The following WASF3 variants were observed in gnomAD, a reference collection of about 807,000 sequenced individuals.
WASF3 encodes WASP family member 3, also known as actin-binding protein WASF3.
WASF3 carries 11 observed loss-of-function variants against 46.6 expected under a neutral mutation model. That is an observed-to-expected ratio of 0.24 (90% CI 0.15 to 0.39). WASF3 has a LOEUF of 0.39. Ranked by LOEUF, WASF3 falls within the 10% of genes least tolerant of loss-of-function variation. The pLI is 1.00. For missense variants in WASF3, 576 were observed against 669.8 expected (o/e 0.86, Z 1.55); for synonymous variants, 242 against 259.7 (o/e 0.93, Z 0.65).
At chr13:26,556,332 A>G (rs1266960921), upstream of WASF3, among the ~76,000 whole-genome samples, 2 of 152,208 alleles carry the variant, frequency 1.3e-5, no homozygotes, top group Non-Finnish European at 2.9e-5. Context: ...AAACATAGAC[A>G]TGGAAGCCAT....
intron 1 of WASF3, among the ~76,000 whole-genome samples, chr13:26,610,047 G>A (rs60934898): frequency 0.27 from 40,869 of 152,040 alleles, 5,954 homozygotes; most frequent in Non-Finnish European, 0.34. Context: ...TGCCCTCTGG[G>A]ACACTGTCAC....
rs200299739 is a variant in WASF3 at position 26,578,993 on chromosome 13, CTTTTTTTTT to C, written c.-109+21189_-109+21197del. 9.1e-4 allele frequency among the ~76,000 whole-genome samples: 55 copies of C among 60,640 alleles called. 3 individuals are homozygous for C. Among genetic ancestry groups the C allele is most frequent in the African/African-American group, 2.3e-3 (30 of 13,032 alleles). 39.8% of individuals were successfully genotyped at this position (60,640 alleles called of 152,430 possible). A position where few individuals can be genotyped will look rare whatever the true frequency, so the allele number is the denominator to read the frequency against. ...ACCTTATATTCTTGGGATACATTTC[CTTTTTTTTT>C]TTTTTTTTTTTTTTGTGGGTCAGGG... is the stretch of plus-strand genomic sequence containing the variant. On this transcript the variant is annotated intron_variant, in intron 1 of 9. Coordinates refer to ENST00000335327, the MANE Select transcript of WASF3 (RefSeq NM_006646.6).
At chr13:26,642,193 G>T in intron 2 of WASF3, 68 bp from the exon 3 acceptor site, 2 of 1,430,442 alleles carry the variant, frequency 1.4e-6, no homozygotes, top group South Asian at 3.3e-5. Flanking sequence ...AATTTTCAAG[G>T]GAATTAAAAT....
chr13:26,545,775 A>C, the WASF3 span, among the ~76,000 whole-genome samples: 1 of 152,058 alleles, frequency 6.6e-6, no homozygotes, highest in African/African-American at 2.4e-5. Context: ...GTTACTTTTT[A>C]AAATTTTTTG....
At chr13:26,573,048 T>C (rs566592387) in intron 1 of WASF3, among the ~76,000 whole-genome samples, 19 of 152,316 alleles carry the variant, frequency 1.2e-4, no homozygotes, top group Non-Finnish European at 1.9e-4. Flanking sequence ...ATTGATGTAA[T>C]ATTGGGATTA....
chr13:26,555,879 A>T (rs1879086724), upstream of WASF3, among the ~76,000 whole-genome samples: 1 of 152,212 alleles, frequency 6.6e-6, no homozygotes, highest in Non-Finnish European at 1.5e-5. Context: ...ATTAAGGATG[A>T]GGCACTTATT....
chr13:26,688,346 A>G lies in WASF3; in HGVS notation c.*2501A>G, dbSNP rs1014786729. The G allele has an allele frequency of 6.6e-6, 1 of 152,254 alleles. No homozygotes were observed. The highest frequency in any genetic ancestry group is 2.4e-5 in the African/African-American group (1 of 41,458). The allele number at this position is 152,254 out of a possible 1,614,324, so 9.4% of individuals were successfully genotyped here. The stretch of plus-strand genomic sequence containing the variant: ...TTCTCCAAACTTTGTGTTTTAAATT[A>G]TAGTTATAAATTGTAAGGTAATTTT... On this transcript the variant is annotated 3_prime_UTR_variant, in exon 10 of 10. Coordinates refer to ENST00000335327, the MANE Select transcript of WASF3 (RefSeq NM_006646.6).
chr13:26,667,434 T>C (rs1882804974), intron 4 of WASF3, 83 bp from the exon 5 acceptor site: 1 of 1,297,160 alleles, frequency 7.7e-7, no homozygotes, highest in African/African-American at 1.5e-5. Flanking sequence ...GAGGTGTTTT[T>C]AATTGTGAGT....
At chr13:26,646,561 C>G (rs1230372539) in intron 3 of WASF3, among the ~76,000 whole-genome samples, 2 of 152,184 alleles carry the variant, frequency 1.3e-5, no homozygotes, top group Non-Finnish European at 2.9e-5. Context: ...ACCTCCACTC[C>G]CCACAGCAGA....
intron 2 of WASF3, among the ~76,000 whole-genome samples, chr13:26,621,275 T>C (rs577761991): frequency 6.6e-6 from 1 of 152,324 alleles, no homozygotes; most frequent in South Asian, 2.1e-4. Flanking sequence ...TTATTTTCGT[T>C]TGTTCAGTTT....
intron 3 of WASF3, among the ~76,000 whole-genome samples, chr13:26,650,285 G>A (rs1453229852): frequency 6.6e-6 from 1 of 152,126 alleles, no homozygotes; most frequent in Non-Finnish European, 1.5e-5. Context: ...TGAGACCCCA[G>A]TCATAGGACT....
chr13:26,574,840 CTT>C (rs546925714), intron 1 of WASF3, among the ~76,000 whole-genome samples: 10 of 142,302 alleles, frequency 7.0e-5, no homozygotes, highest in Admixed American at 1.4e-4. Context: ...TTAACCCCTT[CTT>C]TTTTTTTTTT....
chr13:26,687,841 C>T lies in WASF3; in HGVS notation c.*1996C>T, dbSNP rs976896710. The stretch of plus-strand genomic sequence containing the variant: ...TGTTGCTTTTGTATTAGGAGTTCCC[C>T]GTGTGGGTCTAGAACTCCCCTTTGG... On this transcript the variant is annotated 3_prime_UTR_variant, in exon 10 of 10. Coordinates refer to ENST00000335327, the MANE Select transcript of WASF3 (RefSeq NM_006646.6). The T allele has an allele frequency of 1.3e-5, 2 of 151,840 alleles. No individual in the cohort carries two copies. Among genetic ancestry groups the T allele is most frequent in the East Asian group, 1.9e-4 (1 of 5,178 alleles). The allele number at this position is 151,840 out of a possible 1,614,324, so 9.4% of individuals were successfully genotyped here. A position where few individuals can be genotyped will look rare whatever the true frequency, so the allele number is the denominator to read the frequency against.
chr13:26,606,809 C>T (rs1388470564), intron 1 of WASF3: 1 of 152,178 alleles, frequency 6.6e-6, no homozygotes, highest in Admixed American at 6.5e-5. Context: ...AGTCTTCTGT[C>T]GTAGCACTTT....
At chr13:26,640,920 A>T (rs953465672) in intron 2 of WASF3, 3 of 152,116 alleles carry the variant, frequency 2.0e-5, no homozygotes, top group African/African-American at 7.2e-5. Flanking sequence ...ATATTTGTAG[A>T]TCTTTTCTCT....
rs144541751 is a variant in WASF3, at chr13:26,561,770, C to T, written c.-109+3951C>T. Reference sequence around the variant, plus strand: ...AGATTAGATTGCACTCCATTCCATTCGATGACCTCATGTTTGTAAAGAAGG... The same window carrying T: ...AGATTAGATTGCACTCCATTCCATTTGATGACCTCATGTTTGTAAAGAAGG... On this transcript the variant is annotated intron_variant, in intron 1 of 9. Transcript: ENST00000335327. Among the ~76,000 whole-genome samples the T allele has an allele frequency of 2.9e-3, 436 of 152,190 alleles. 3 individuals carry two copies. The highest frequency in any genetic ancestry group is 5.4e-3 in the East Asian group (28 of 5,174).
chr13:26,568,179 T>C (rs1030838356), intron 1 of WASF3, among the ~76,000 whole-genome samples: 1 of 152,144 alleles, frequency 6.6e-6, no homozygotes, highest in African/African-American at 2.4e-5. Context: ...TGCAAAGTTT[T>C]GAGCAGGGAC....
chr13:26,679,327 T>C lies in WASF3; in HGVS notation c.717-1727T>C, dbSNP rs1480798727. Among the ~76,000 whole-genome samples, 1 of 152,102 alleles carries C rather than the reference T, an allele frequency of 6.6e-6. No homozygotes were observed. Among genetic ancestry groups the C allele is most frequent in the African/African-American group, 2.4e-5 (1 of 41,414 alleles). On this transcript the variant is annotated intron_variant, in intron 7 of 9. Transcript: ENST00000335327. This position sits in a 1 kb window ranked among gnomAD's most constrained non-coding sequence, Gnocchi z 4.8. ...CCCTCTTCAACTGACCAGTCCCCTC[T>C]TCCCCCAGCCCCCGTCCTCCTGATG...
At chr13:26,629,998 A>C (rs1349371321) in intron 2 of WASF3, among the ~76,000 whole-genome samples, 2 of 151,536 alleles carry the variant, frequency 1.3e-5, no homozygotes, top group Non-Finnish European at 2.9e-5. Flanking sequence ...TTTTTCTTTT[A>C]TTTTTATTTA....
Sources: gnomAD v4.1 joint callset for allele counts (sites outside exome capture counted in the v4.1 genomes callset) on GRCh38, gnomAD v4.1.1 for gene constraint, Gnocchi (gnomAD v3.1) non-coding constraint, MANE v1.5 for transcripts, NCBI Gene and HGNC (gene_info 2026-07-23, HGNC 2026-07-21) for gene names.